Variants in LRRC7 observed in about 807,000 individuals in gnomAD.
LRRC7 encodes the protein leucine rich repeat containing 7, also known as leucine-rich repeat-containing protein 7.
A neutral mutation model predicts 175.7 loss-of-function variants in LRRC7; 23 were observed. The ratio of observed to expected loss-of-function variants is 0.13; its 90% CI spans 0.09 to 0.19. The LOEUF (loss-of-function observed/expected upper bound fraction) is 0.19, where lower values mean the gene tolerates loss of function less well. LRRC7 is among the 10% of genes least tolerant of loss of function. The pLI is 1.00. For synonymous variants in LRRC7, 685 were observed against 680.9 expected, an observed-to-expected ratio of 1.01 and a Z score of -0.09; for missense variants, 1,354 against 1,904.7, an observed-to-expected ratio of 0.71 and a Z score of 5.38.
chr1:69,677,709 T>G (rs899567504), intron 1 of LRRC7, among the ~76,000 whole-genome samples: 3 of 152,138 alleles, frequency 2.0e-5, no homozygotes, highest in Non-Finnish European at 2.9e-5. Flanking sequence ...TTTTTTAAAT[T>G]TATTTACTTT....
chr1:69,607,354 T>C (rs1207556087), intron 1 of LRRC7: 1 of 152,146 alleles, frequency 6.6e-6, no homozygotes, highest in East Asian at 1.9e-4. Flanking sequence ...TTTCTCATTT[T>C]ATTTTATTAT....
chr1:69,612,276 GAT>G (rs1284208148), intron 1 of LRRC7, among the ~76,000 whole-genome samples: 1 of 151,930 alleles, frequency 6.6e-6, no homozygotes, highest in African/African-American at 2.4e-5. Context: ...AACTTGATCT[GAT>G]ATGAAATTTA....
chr1:69,738,240 T>C (rs1293414055), intron 2 of LRRC7, among the ~76,000 whole-genome samples: 1 of 152,000 alleles, frequency 6.6e-6, no homozygotes, highest in Non-Finnish European at 1.5e-5. Flanking sequence ...AACGTTTCTC[T>C]TTTATTGGGA....
At chr1:69,671,948 A>G (rs1477539253) in intron 1 of LRRC7, among the ~76,000 whole-genome samples, 1 of 152,174 alleles carries the variant, frequency 6.6e-6, no homozygotes, top group Admixed American at 6.5e-5. Context: ...CAGTGACATG[A>G]AGTTAAAACC....
rs368576543 is a variant in LRRC7, at chr1:70,039,409, C to T, written c.3585C>T (p.Ser1195=). ...GGGGAGGGCTGGATCGCCAAAGCAG[C>T]GTTACAGTGACTGAGTCCCAGTTCC... ...PYRGGLDRQS[S]VTVTESQFLK... is the part of the protein sequence containing the mutation. The change falls in exon 21 of 27, where the codon AGC becomes AGT. Residue 1195 remains serine (S), a synonymous_variant. Transcript: ENST00000651989. The T allele has an allele frequency of 1.7e-5, 28 of 1,613,960 alleles. No individual in the cohort carries two copies. The highest frequency in any genetic ancestry group is 1.5e-4 in the Admixed American group (9 of 60,000).
At chr1:69,809,678 T>C (rs189506142) in intron 4 of LRRC7, among the ~76,000 whole-genome samples, 6 of 152,186 alleles carry the variant, frequency 3.9e-5, no homozygotes, top group African/African-American at 1.2e-4. Context: ...AAAAACCACA[T>C]GATTATCTCA....
At chr1:69,859,271 T>A (rs1684097128) in intron 7 of LRRC7, among the ~76,000 whole-genome samples, 1 of 152,114 alleles carries the variant, frequency 6.6e-6, no homozygotes, top group Admixed American at 6.6e-5. Flanking sequence ...AGTCTTGATT[T>A]TTTCAGCAAG....
Position 70,124,240 on chromosome 1 carries a change from G to T in LRRC7, c.*2353G>T, listed in dbSNP as rs1422916381. On this transcript the variant is annotated 3_prime_UTR_variant, in exon 27 of 27. Coordinates refer to ENST00000651989, the MANE Select transcript of LRRC7 (RefSeq NM_001370785.2). ...AACAGGCAGGTAATAATGAAAACAGGCAGGCCAGGCGTGGTGGCTCACACT... is the reference window on the plus strand; with the variant it reads ...AACAGGCAGGTAATAATGAAAACAGTCAGGCCAGGCGTGGTGGCTCACACT... Among the ~76,000 whole-genome samples the T allele has an allele frequency of 6.6e-6, 1 of 152,188 alleles. No individual in the cohort carries two copies. Among genetic ancestry groups the T allele is most frequent in the Non-Finnish European group, 1.5e-5 (1 of 68,032 alleles).
rs549294067 is a variant in LRRC7 at position 69,696,026 on chromosome 1, G to A, written c.100+17548G>A. On this transcript the variant is annotated intron_variant, in intron 2 of 26. Coordinates refer to ENST00000651989, the MANE Select transcript of LRRC7 (RefSeq NM_001370785.2). ...CCGCACTGGAGCACTGCCTAGTGGA[G>A]CTGCGGGAATTGGGCCACTGCCCTC... Among the ~76,000 whole-genome samples the A allele has an allele frequency of 6.6e-4, 101 of 152,340 alleles. 1 individual carries two copies. Among genetic ancestry groups the A allele is most frequent in the African/African-American group, 2.1e-3 (88 of 41,588 alleles).
At chr1:69,896,453 G>A (rs1358781554) in intron 7 of LRRC7, among the ~76,000 whole-genome samples, 2 of 151,996 alleles carry the variant, frequency 1.3e-5, no homozygotes, top group African/African-American at 4.8e-5. Context: ...TCATCTTGAT[G>A]TCGATTACAC....
At chr1:69,796,095 A>C (rs1250521223) in intron 4 of LRRC7, among the ~76,000 whole-genome samples, 1 of 141,794 alleles carries the variant, frequency 7.1e-6, no homozygotes, top group Non-Finnish European at 1.5e-5. Context: ...ATATTTCCCA[A>C]TGCTATCCCT....
intron 7 of LRRC7, among the ~76,000 whole-genome samples, chr1:69,852,493 A>G (rs1203659270): frequency 6.6e-6 from 1 of 152,154 alleles, no homozygotes; most frequent in African/African-American, 2.4e-5. Context: ...CTCAAGTACA[A>G]TGTTCATTGT....
chr1:70,018,624 T>C (rs558620049), intron 14 of LRRC7, 95 bp from the exon 15 acceptor site: 4 of 643,996 alleles, frequency 6.2e-6, no homozygotes, highest in South Asian at 6.5e-5. Flanking sequence ...TTTCACTTTT[T>C]CCCCCCAATG....
At chr1:69,787,445 C>T (rs1380328193) in intron 3 of LRRC7, among the ~76,000 whole-genome samples, 2 of 152,224 alleles carry the variant, frequency 1.3e-5, no homozygotes, top group Non-Finnish European at 2.9e-5. Flanking sequence ...CGCAGAGATT[C>T]TCCATGAGGG....
chr1:70,098,698 C>T (rs1223008815), intron 25 of LRRC7, among the ~76,000 whole-genome samples: 23 of 151,896 alleles, frequency 1.5e-4, no homozygotes, highest in African/African-American at 1.9e-4. Flanking sequence ...AACACCTCTA[C>T]GCAAATAAAC....
At chr1:69,672,981 C>A (rs1659296743) in intron 1 of LRRC7, among the ~76,000 whole-genome samples, 1 of 152,196 alleles carries the variant, frequency 6.6e-6, no homozygotes, top group South Asian at 2.1e-4. Context: ...ATTCTAACTG[C>A]AGTCTCTTCC....
intron 13 of LRRC7, among the ~76,000 whole-genome samples, chr1:70,014,660 A>T (rs1571016264): frequency 6.6e-6 from 1 of 152,084 alleles, no homozygotes; most frequent in South Asian, 2.1e-4. Flanking sequence ...TGGAGAAAAG[A>T]TTAAGCAATG....
At chr1:69,721,578 T>C (rs1666356980) in intron 2 of LRRC7, among the ~76,000 whole-genome samples, 1 of 151,936 alleles carries the variant, frequency 6.6e-6, no homozygotes, top group South Asian at 2.1e-4. Context: ...TGCCATTATA[T>C]AATATATCAC....
chr1:69,911,670 A>G (rs1410934665), intron 7 of LRRC7, among the ~76,000 whole-genome samples: 1 of 152,198 alleles, frequency 6.6e-6, no homozygotes, highest in Non-Finnish European at 1.5e-5. Context: ...AATTTGGATG[A>G]TGACTATATG....
Sources: gnomAD v4.1 joint callset for allele counts (sites outside exome capture counted in the v4.1 genomes callset) on GRCh38, gnomAD v4.1.1 for gene constraint, MANE v1.5 for transcripts, NCBI Gene and HGNC (gene_info 2026-07-23, HGNC 2026-07-21) for gene names.